The following CARMIL2 variants were observed in gnomAD, a reference collection of about 807,000 sequenced individuals.
The protein encoded by CARMIL2 is capping protein, Arp2/3 and myosin-I linker protein 2.
A neutral mutation model predicts 173.3 loss-of-function variants in CARMIL2; 96 were observed. The ratio of observed to expected loss-of-function variants is 0.55; its 90% CI spans 0.47 to 0.66. CARMIL2 has a LOEUF of 0.66. Ranked by LOEUF, CARMIL2 falls within the 30% of genes least tolerant of loss-of-function variation. The pLI is 0.00. For missense variants in CARMIL2, 1,771 were observed against 1,906.7 expected (o/e 0.93, Z 1.33); for synonymous variants, 830 against 817.1 (o/e 1.02, Z -0.27).
At chr16:67,645,394 C>G in intron 1 of CARMIL2, 108 bp downstream of exon 1, 1 of 1,397,042 alleles carries the variant, frequency 7.2e-7, no homozygotes, top group Non-Finnish European at 9.9e-7. Context: ...CCTCCCTGCT[C>G]CCCAGGAGGG....
At position 67,656,897 on chromosome 16, in the gene CARMIL2, T is replaced by G. The variant is rs772106548; in HGVS notation, c.4117+16T>G. The G allele has an allele frequency of 2.6e-6, 4 of 1,528,324 alleles. No homozygotes were observed. The highest frequency in any genetic ancestry group is 1.7e-4 in the Middle Eastern group (1 of 5,922). The allele number at this position is 1,528,324 out of a possible 1,614,324, so 94.7% of individuals were successfully genotyped here. A position where few individuals can be genotyped will look rare whatever the true frequency, so the allele number is the denominator to read the frequency against. On this transcript the variant is annotated intron_variant, in intron 36 of 37. Transcript: ENST00000334583. ...GCCCCTGCTGGTGAGGGGAGACACCTCCACGTGTGCTTGAATGCAGGAGAT... is the reference window on the plus strand; with the variant it reads ...GCCCCTGCTGGTGAGGGGAGACACCGCCACGTGTGCTTGAATGCAGGAGAT...
chr16:67,654,028 C>G (rs1173035495), intron 29 of CARMIL2, 121 bp from the exon 30 acceptor site: 1 of 668,708 alleles, frequency 1.5e-6, no homozygotes, highest in South Asian at 1.8e-5. Flanking sequence ...TCAGCAGCCC[C>G]TAGGGTCACC....
In CARMIL2 at chr16:67,657,340, G is replaced by A; in HGVS notation, c.4195+24G>A. 1 of 1,612,582 alleles carries A rather than the reference G, an allele frequency of 6.2e-7. No individual in the cohort carries two copies. Among genetic ancestry groups the A allele is most frequent in the Non-Finnish European group, 8.5e-7 (1 of 1,179,222 alleles). On this transcript the variant is annotated intron_variant, in intron 37 of 37. Coordinates refer to ENST00000334583, the MANE Select transcript of CARMIL2 (RefSeq NM_001013838.3). The surrounding 1 kb of genome is among the most constrained non-coding windows in gnomAD (Gnocchi z 4.5). The stretch of plus-strand genomic sequence containing the variant: ...AGGTAAGAGGGGGTCCAGGCCAGCT[G>A]GGAGGGTGGCAGGACTGCTTAGCCC...
chr16:67,648,711 A>C lies in CARMIL2; in HGVS notation c.1466A>C (p.Asn489Thr). 2 of 1,607,800 alleles carry C rather than the reference A, an allele frequency of 1.2e-6. No individual in the cohort carries two copies. Among genetic ancestry groups the C allele is most frequent in the Non-Finnish European group, 1.7e-6 (2 of 1,177,490 alleles). ...GCCCTTTTGGATGGCCTCGCGCTCA[A>C]CACGCACCTCCGCGACCTGCACCTG... ...LRALLDGLAL[N>T]THLRDLHLDL... The change falls in exon 16 of 38, where the codon AAC becomes ACC. Residue 489 changes from asparagine (N) to threonine (T), a missense_variant. Transcript: ENST00000334583. This position sits in a 1 kb window ranked among gnomAD's most constrained non-coding sequence, Gnocchi z 6.1.
Position 67,657,507 on chromosome 16 carries a change from C to T in CARMIL2, c.4297C>T (p.Pro1433Ser). ...SPATDQRGGG[P>S]NP ...AGCCACAGACCAAAGAGGCGGCGGCCCCAATCCCTGATCCTCTCCTCTCCT... is the reference window on the plus strand; with the variant it reads ...AGCCACAGACCAAAGAGGCGGCGGCTCCAATCCCTGATCCTCTCCTCTCCT... The change falls in exon 38 of 38, where the codon CCC becomes TCC. Residue 1433 changes from proline to serine, a missense_variant. By Grantham distance (74) the Pro-to-Ser change is moderately conservative. This residue lies in a region of CARMIL2 where 817 missense variants were observed against 903.5 expected (regional missense o/e 0.90). Coordinates refer to ENST00000334583, the MANE Select transcript of CARMIL2 (RefSeq NM_001013838.3). The surrounding 1 kb of genome is among the most constrained non-coding windows in gnomAD (Gnocchi z 4.5). The T allele has an allele frequency of 3.7e-6, 6 of 1,613,364 alleles. No homozygotes were observed. The highest frequency in any genetic ancestry group is 5.1e-6 in the Non-Finnish European group (6 of 1,179,606).
At position 67,648,796 on chromosome 16, in the gene CARMIL2, C is replaced by G. The variant is rs563970851; in HGVS notation, c.1509+42C>G. On this transcript the variant is annotated intron_variant, in intron 16 of 37. Coordinates refer to ENST00000334583, the MANE Select transcript of CARMIL2 (RefSeq NM_001013838.3). This position sits in a 1 kb window ranked among gnomAD's most constrained non-coding sequence, Gnocchi z 6.1. ...AGAAGAGACCACACATTGGGAGAGGCGCTGGGAGGCGGAAGGGCAGGGCCG... is the reference window on the plus strand; with the variant it reads ...AGAAGAGACCACACATTGGGAGAGGGGCTGGGAGGCGGAAGGGCAGGGCCG... 3 of 1,570,050 alleles carry G rather than the reference C, an allele frequency of 1.9e-6. No individual in the cohort carries two copies. The highest frequency in any genetic ancestry group is 2.7e-5 in the African/African-American group (2 of 73,880).
rs985138381 is a variant in CARMIL2 at position 67,648,500 on chromosome 16, C to T, written c.1437C>T (p.Leu479=). Residue 479 remains leucine, a splice_region_variant and synonymous_variant, in exon 15 of 38, where the codon CTC becomes CTT. Transcript: ENST00000334583. The surrounding 1 kb of genome is among the most constrained non-coding windows in gnomAD (Gnocchi z 6.1). ...GCTGCAAGCTGCCGCCCGACGCGCT[C>T]AGGTCAGTGTCGGACCCCGGCCACG... ...LAGCKLPPDA[L]RALLDGLALN... The T allele has an allele frequency of 6.9e-7, 1 of 1,448,884 alleles. No homozygotes were observed. Among genetic ancestry groups the T allele is most frequent in the East Asian group, 2.5e-5 (1 of 39,230 alleles). 89.8% of individuals were successfully genotyped at this position (1,448,884 alleles called of 1,614,324 possible).
Position 67,652,143 on chromosome 16 carries a change from T to TG in CARMIL2, c.2677-56_2677-55insG. The TG allele has an allele frequency of 6.2e-7, 1 of 1,601,460 alleles. No homozygotes were observed. ...TATTTCAGGGTCCCCTTAGTTAGCA[T>TG]CAATGGGATCATGGCTGAGGCCCTA... On this transcript the variant is annotated intron_variant, in intron 26 of 37. Transcript: ENST00000334583. This position sits in a 1 kb window ranked among gnomAD's most constrained non-coding sequence, Gnocchi z 4.7.
In CARMIL2 at chr16:67,647,757, A is replaced by T; in HGVS notation, c.949A>T (p.Thr317Ser). 8.1e-7 allele frequency: 1 copy of T among 1,231,772 alleles called. No homozygotes were observed. The highest frequency in any genetic ancestry group is 1.1e-6 in the Non-Finnish European group (1 of 926,938). The allele number at this position is 1,231,772 out of a possible 1,614,324, so 76.3% of individuals were successfully genotyped here. Reference sequence around the variant, plus strand: ...ACTCAGCCTGGCCCAGACAGGGTTGACACCGCGAGGTAGGCTGGATGAGGG... The same window carrying T: ...ACTCAGCCTGGCCCAGACAGGGTTGTCACCGCGAGGTAGGCTGGATGAGGG... ...RRLSLAQTGL[T>S]PRGMRALGRA... The change falls in exon 12 of 38, where the codon ACA becomes TCA. Residue 317 changes from threonine (T) to serine (S), a missense_variant. Thr to Ser is a moderately conservative substitution (Grantham distance 58). Coordinates refer to ENST00000334583, the MANE Select transcript of CARMIL2 (RefSeq NM_001013838.3).
rs373568142 is a variant in CARMIL2, at chr16:67,646,436, C to T, written c.385C>T (p.Arg129Trp). The change falls in exon 6 of 38, where the codon CGG (arginine) becomes TGG (tryptophan). Residue 129 changes from arginine to tryptophan, a missense_variant. This residue lies in a region of CARMIL2 where 944 missense variants were observed against 975.6 expected (regional missense o/e 0.97). Coordinates refer to ENST00000334583, the MANE Select transcript of CARMIL2 (RefSeq NM_001013838.3). This position sits in a 1 kb window ranked among gnomAD's most constrained non-coding sequence, Gnocchi z 4.6. ...FPRSTLGKLF[R>W]RPTPASMLAR... The stretch of plus-strand genomic sequence containing the variant: ...TTAACCCCCTACCAGGAAGCTATTC[C>T]GGAGGCCCACACCAGCCTCCATGCT... The T allele has an allele frequency of 1.2e-5, 19 of 1,613,468 alleles. No individual in the cohort carries two copies. Among genetic ancestry groups the T allele is most frequent in the African/African-American group, 1.3e-5 (1 of 74,900 alleles).
Position 67,657,200 on chromosome 16 carries a change from G to A in CARMIL2, c.4118-39G>A, listed in dbSNP as rs372852755. On this transcript the variant is annotated intron_variant, in intron 36 of 37. Transcript: ENST00000334583. This position sits in a 1 kb window ranked among gnomAD's most constrained non-coding sequence, Gnocchi z 4.5. ...GGGGCAGGGGATGGACAGACCCCAA[G>A]CCTTAGCAACCCACCCCAAGCCTTT... 8.8e-6 allele frequency: 14 copies of A among 1,590,954 alleles called. No homozygotes were observed. The highest frequency in any genetic ancestry group is 1.3e-5 in the African/African-American group (1 of 74,326).
Position 67,653,013 on chromosome 16 carries a change from C to G in CARMIL2, c.2885-6C>G. Reference sequence around the variant, plus strand: ...GCTCGGTGCTCTTCTGGTGCTGTCCCCTCAGGTGCTGCTGAGGAAGCGGAG... The same window carrying G: ...GCTCGGTGCTCTTCTGGTGCTGTCCGCTCAGGTGCTGCTGAGGAAGCGGAG... On this transcript the variant is annotated splice_polypyrimidine_tract_variant and splice_region_variant and intron_variant, in intron 28 of 37. Transcript: ENST00000334583. This position sits in a 1 kb window ranked among gnomAD's most constrained non-coding sequence, Gnocchi z 7.4. The G allele has an allele frequency of 7.9e-7, 1 of 1,266,746 alleles. No individual in the cohort carries two copies. The allele number at this position is 1,266,746 out of a possible 1,614,324, so 78.5% of individuals were successfully genotyped here.
Position 67,653,055 on chromosome 16 carries a change from C to A in CARMIL2, c.2921C>A (p.Ala974Glu). Residue 974 changes from alanine to glutamate, a missense_variant, in exon 29 of 38, where the codon GCG becomes GAG. Ala to Glu is a moderately radical substitution (Grantham distance 107). This residue lies in a region of CARMIL2 where 817 missense variants were observed against 903.5 expected (regional missense o/e 0.90). Transcript: ENST00000334583. The surrounding 1 kb of genome is among the most constrained non-coding windows in gnomAD (Gnocchi z 7.4). ...GAAGCGGAGCCGGAGCCCGAGCTGG[C>A]GGCTCCGGGAGAAGATGCAGAGCCG... ...AEEAEPEPEL[A>E]APGEDAEPQA... 3 of 1,268,630 alleles carry A rather than the reference C, an allele frequency of 2.4e-6. No individual in the cohort carries two copies. Among genetic ancestry groups the A allele is most frequent in the Admixed American group, 3.8e-5 (1 of 26,202 alleles). 78.6% of individuals were successfully genotyped at this position (1,268,630 alleles called of 1,614,324 possible). A position where few individuals can be genotyped will look rare whatever the true frequency, so the allele number is the denominator to read the frequency against.
chr16:67,648,301 GTCTTCTC>G lies in CARMIL2; in HGVS notation c.1322_1328del (p.Val441AlafsTer69), dbSNP rs1191395835. The stretch of plus-strand genomic sequence containing the variant: ...TACCCACCTCGACGCTTCGAGGAAC[GTCTTCTC>G]CCGCACGTAAGGGGGACCTGTCGGG... On this transcript the variant is annotated frameshift_variant, in exon 14 of 38. Coordinates refer to ENST00000334583, the MANE Select transcript of CARMIL2 (RefSeq NM_001013838.3). LOFTEE classifies it high-confidence loss of function. The surrounding 1 kb of genome is among the most constrained non-coding windows in gnomAD (Gnocchi z 6.1). 1.3e-6 allele frequency: 2 copies of G among 1,591,070 alleles called. No homozygotes were observed. Among genetic ancestry groups the G allele is most frequent in the Non-Finnish European group, 1.7e-6 (2 of 1,176,022 alleles).
chr16:67,651,423 C>G lies in CARMIL2; in HGVS notation c.2336C>G (p.Ala779Gly). The change falls in exon 24 of 38, where the codon GCT becomes GGT. Residue 779 changes from alanine (A) to glycine (G), a missense_variant. Around this residue, in one of 3 missense-constraint regions of CARMIL2, gnomAD observed 817 missense variants for 903.5 expected, o/e 0.90. Transcript: ENST00000334583. The surrounding 1 kb of genome is among the most constrained non-coding windows in gnomAD (Gnocchi z 4.2). ...SLSILPILYE[A>G]GSSPSHHWQL... The stretch of plus-strand genomic sequence containing the variant: ...CAGATTCTCCCCATTCTATATGAAG[C>G]TGGAAGCTCCCCAAGCCATCACTGG... 1 of 1,591,454 alleles carries G rather than the reference C, an allele frequency of 6.3e-7. No homozygotes were observed. The highest frequency in any genetic ancestry group is 1.1e-5 in the South Asian group (1 of 88,214).
chr16:67,656,160 G>A (rs757981674), intron 33 of CARMIL2, 68 bp from the exon 34 acceptor site: 4 of 1,610,742 alleles, frequency 2.5e-6, no homozygotes, highest in Middle Eastern at 1.7e-4. Context: ...GGAGGAAGGG[G>A]AGAGGCCAGG....
At position 67,646,242 on chromosome 16, in the gene CARMIL2, C is replaced by A; in HGVS notation, c.306C>A (p.Ala102=). The part of the protein sequence containing the change: ...RELVLEFPGV[A]ALEQLAQHVA... ...TGGTCCTGGAGTTTCCTGGTGTGGC[C>A]GCCCTGGAACAGCTGGCCCAGCACG... The change falls in exon 5 of 38, where the codon GCC becomes GCA. Residue 102 remains alanine (A), a synonymous_variant. Coordinates refer to ENST00000334583, the MANE Select transcript of CARMIL2 (RefSeq NM_001013838.3). The surrounding 1 kb of genome is among the most constrained non-coding windows in gnomAD (Gnocchi z 4.6). 2 of 1,613,730 alleles carry A rather than the reference C, an allele frequency of 1.2e-6. No homozygotes were observed. The highest frequency in any genetic ancestry group is 1.7e-6 in the Non-Finnish European group (2 of 1,179,858).
chr16:67,654,133 C>T lies in CARMIL2; in HGVS notation c.3121-16C>T, dbSNP rs1047555170. On this transcript the variant is annotated splice_polypyrimidine_tract_variant and intron_variant, in intron 29 of 37. Coordinates refer to ENST00000334583, the MANE Select transcript of CARMIL2 (RefSeq NM_001013838.3). ...TTGCACTCAACCCTGACCCCTGACCCCATGATGCCCCCCAGGTACCCCCAG... is the reference window on the plus strand; with the variant it reads ...TTGCACTCAACCCTGACCCCTGACCTCATGATGCCCCCCAGGTACCCCCAG... 3 of 1,527,822 alleles carry T rather than the reference C, an allele frequency of 2.0e-6. No homozygotes were observed. In the African/African-American group the frequency reaches 4.2e-5, roughly 21 times the overall value. 94.6% of individuals were successfully genotyped at this position (1,527,822 alleles called of 1,614,324 possible). A position where few individuals can be genotyped will look rare whatever the true frequency, so the allele number is the denominator to read the frequency against.
Position 67,652,099 on chromosome 16 carries a change from G to C in CARMIL2, c.2676+91G>C. On this transcript the variant is annotated intron_variant, in intron 26 of 37. Transcript: ENST00000334583. The surrounding 1 kb of genome is among the most constrained non-coding windows in gnomAD (Gnocchi z 4.7). ...TGCAGGGGCTCTGTAATGTCTTCTGGGGTCATGTAGCCCAGGGCTATTTCA... is the reference window on the plus strand; with the variant it reads ...TGCAGGGGCTCTGTAATGTCTTCTGCGGTCATGTAGCCCAGGGCTATTTCA... 2 of 1,600,340 alleles carry C rather than the reference G, an allele frequency of 1.2e-6. No individual in the cohort carries two copies. The highest frequency in any genetic ancestry group is 1.7e-6 in the Non-Finnish European group (2 of 1,170,568).
Sources: gnomAD v4.1 joint callset for allele counts on GRCh38, gnomAD v4.1.1 for gene constraint, gnomAD v4.1.1 regional missense constraint, Gnocchi (gnomAD v3.1) non-coding constraint, MANE v1.5 for transcripts, NCBI Gene and HGNC (gene_info 2026-07-23, HGNC 2026-07-21) for gene names.